PSD3: variants seen among roughly 807,000 people sequenced by gnomAD.
The protein encoded by PSD3 is pleckstrin and Sec7 domain containing 3.
PSD3 carries 49 observed loss-of-function variants against 105.5 expected under a neutral mutation model. The ratio of observed to expected loss-of-function variants is 0.46; its 90% CI spans 0.37 to 0.59. The LOEUF (loss-of-function observed/expected upper bound fraction) is 0.59. PSD3 is among the 20% of genes least tolerant of loss of function. The probability of loss-of-function intolerance (pLI) is 0.00; values close to 1 mark genes in which losing one functional copy is unlikely to be tolerated. For synonymous variants in PSD3, 557 were observed against 457.8 expected (o/e 1.22, Z -2.77); for missense variants, 1,561 against 1,263.8 (o/e 1.24, Z -3.57).
At chr8:18,679,375 C>T (rs184987863) in intron 9 of PSD3, among the ~76,000 whole-genome samples, 2 of 152,154 alleles carry the variant, frequency 1.3e-5, no homozygotes, top group African/African-American at 2.4e-5. Context: ...TATTGCAACA[C>T]GTTTTTAAAA....
intron 10 of PSD3, among the ~76,000 whole-genome samples, chr8:18,651,521 T>C (rs1808479511): frequency 6.6e-6 from 1 of 152,242 alleles, no homozygotes; most frequent in Non-Finnish European, 1.5e-5. Flanking sequence ...TATAGCCTTT[T>C]ATGGAGCCTT....
intron 9 of PSD3, among the ~76,000 whole-genome samples, chr8:18,755,413 G>C (rs1182073369): frequency 1.5e-5 from 2 of 136,956 alleles, no homozygotes; most frequent in Non-Finnish European, 3.2e-5. Flanking sequence ...CTGGGCAACA[G>C]AGTGAGACCC....
chr8:18,826,480 C>T (rs904418241), intron 4 of PSD3, among the ~76,000 whole-genome samples: 54 of 152,218 alleles, frequency 3.5e-4, no homozygotes, highest in Admixed American at 3.3e-3. Flanking sequence ...TCAAACAGCA[C>T]ATCTTATTAC....
chr8:18,539,354 TTCTGGGCAGTAGGAAGG>T (rs1200629369), intron 15 of PSD3, among the ~76,000 whole-genome samples: 1 of 152,170 alleles, frequency 6.6e-6, no homozygotes, highest in Admixed American at 6.5e-5. Flanking sequence ...CATATTCTCT[TTCTGGGCAGTAGGAAGG>T]TCATATTTCT....
chr8:18,690,757 C>T (rs972593139), intron 9 of PSD3, among the ~76,000 whole-genome samples: 3 of 152,240 alleles, frequency 2.0e-5, no homozygotes, highest in Non-Finnish European at 2.9e-5. Context: ...ACCTCTTCCT[C>T]GCTGTCTGGT....
At chr8:19,056,901 C>T (rs1397968828) in intron 1 of PSD3, among the ~76,000 whole-genome samples, 3 of 152,312 alleles carry the variant, frequency 2.0e-5, no homozygotes, top group African/African-American at 7.2e-5. Flanking sequence ...AAAATTCCCT[C>T]TAATCTCCCA....
At chr8:18,759,807 C>G (rs1806361048) in intron 9 of PSD3, among the ~76,000 whole-genome samples, 1 of 151,990 alleles carries the variant, frequency 6.6e-6, no homozygotes, top group South Asian at 2.1e-4. Flanking sequence ...TCATTTATTT[C>G]TCAGTTTCTT....
At chr8:18,632,561 G>C in intron 11 of PSD3, 52 bp downstream of exon 11, 1 of 1,524,578 alleles carries the variant, frequency 6.6e-7, no homozygotes, top group Non-Finnish European at 8.9e-7. Flanking sequence ...TTTAAATTTT[G>C]AGCATAAAGA....
At chr8:18,854,735 G>T (rs1256979605) in intron 4 of PSD3, among the ~76,000 whole-genome samples, 1 of 152,040 alleles carries the variant, frequency 6.6e-6, no homozygotes, top group Admixed American at 6.6e-5. Flanking sequence ...ATTCACACTT[G>T]ACTGAAATAG....
intron 4 of PSD3, among the ~76,000 whole-genome samples, chr8:18,865,478 A>C (rs1443730950): frequency 6.6e-6 from 1 of 151,544 alleles, no homozygotes; most frequent in African/African-American, 2.4e-5. Flanking sequence ...AGGATCATTA[A>C]ACCTGCCCTA....
At chr8:18,875,873 C>G (rs1817704344) in intron 2 of PSD3, among the ~76,000 whole-genome samples, 1 of 152,130 alleles carries the variant, frequency 6.6e-6, no homozygotes, top group Non-Finnish European at 1.5e-5. Flanking sequence ...AAAAGAAACC[C>G]TGTATCCATA....
At chr8:18,996,528 T>C (rs1201072926) in intron 1 of PSD3, among the ~76,000 whole-genome samples, 1 of 151,974 alleles carries the variant, frequency 6.6e-6, no homozygotes, top group Non-Finnish European at 1.5e-5. Flanking sequence ...AATTAGTGTT[T>C]ACAACAGTAA....
At chr8:19,052,669 G>C (rs334207) in intron 1 of PSD3, among the ~76,000 whole-genome samples, 42,956 of 151,764 alleles carry the variant, frequency 0.28, 7,129 homozygotes, top group East Asian at 0.57. Context: ...GTCCAAGTTG[G>C]GAAAGGAGTT....
In PSD3 at chr8:18,862,343, A is replaced by C. The variant is rs184030142; in HGVS notation, c.1634+5331T>G. ...GGCTCTGAGACCTAGAAGAGCCCCTAACCCACATCACTGAGCAGGAACTCC... is the reference window on the plus strand; with the variant it reads ...GGCTCTGAGACCTAGAAGAGCCCCTCACCCACATCACTGAGCAGGAACTCC... On this transcript the variant is annotated intron_variant, in intron 4 of 15. Coordinates refer to ENST00000327040, the MANE Select transcript of PSD3 (RefSeq NM_015310.4). 4.0e-3 allele frequency among the ~76,000 whole-genome samples: 610 copies of C among 151,196 alleles called. 11 individuals carry two copies. Among genetic ancestry groups the C allele is most frequent in the Non-Finnish European group, 2.5e-3 (168 of 67,924 alleles).
At chr8:18,628,243 C>G (rs909021145) in intron 11 of PSD3, among the ~76,000 whole-genome samples, 1 of 151,334 alleles carries the variant, frequency 6.6e-6, no homozygotes, top group Non-Finnish European at 1.5e-5. Flanking sequence ...CAATAAACAC[C>G]AAATAAGGAA....
chr8:18,595,727 G>C (rs1218170241), intron 12 of PSD3, among the ~76,000 whole-genome samples: 1 of 152,010 alleles, frequency 6.6e-6, no homozygotes, highest in Non-Finnish European at 1.5e-5. Context: ...ACCATTATTA[G>C]TACATATGCA....
intron 1 of PSD3, among the ~76,000 whole-genome samples, chr8:19,009,222 A>G (rs1020411059): frequency 6.6e-6 from 1 of 152,188 alleles, no homozygotes; most frequent in Non-Finnish European, 1.5e-5. Flanking sequence ...TAAGCCAACA[A>G]ATGTATAATG....
At chr8:18,805,613 AATCT>A (rs1258944821) in intron 4 of PSD3, among the ~76,000 whole-genome samples, 2 of 152,188 alleles carry the variant, frequency 1.3e-5, no homozygotes, top group African/African-American at 4.8e-5. Context: ...CTTATATTAA[AATCT>A]ATCTTATACT....
At chr8:18,835,335 C>T (rs1814018426) in intron 4 of PSD3, among the ~76,000 whole-genome samples, 1 of 152,106 alleles carries the variant, frequency 6.6e-6, no homozygotes, top group South Asian at 2.1e-4. Flanking sequence ...TACTCATCAC[C>T]TTTTTGACTT....
Sources: gnomAD v4.1 joint callset for allele counts (sites outside exome capture counted in the v4.1 genomes callset) on GRCh38, gnomAD v4.1.1 for gene constraint, MANE v1.5 for transcripts, NCBI Gene and HGNC (gene_info 2026-07-23, HGNC 2026-07-21) for gene names.